The following ULK4 variants were observed in gnomAD, a reference collection of about 807,000 sequenced individuals.
ULK4 encodes inactive serine/threonine-protein kinase ULK4.
A neutral mutation model predicts 160.6 loss-of-function variants in ULK4; 133 were observed. The ratio of observed to expected loss-of-function variants is 0.83; its 90% CI spans 0.72 to 0.96. The LOEUF is 0.96. ULK4 is among the 40% of genes least tolerant of loss of function. ULK4 has a pLI of 0.00. For missense variants in ULK4, 1,580 were observed against 1,499.5 expected, an observed-to-expected ratio of 1.05 and a Z score of -0.89; for synonymous variants, 534 against 539.8, an observed-to-expected ratio of 0.99 and a Z score of 0.15.
intron 17 of ULK4, among the ~76,000 whole-genome samples, chr3:41,865,061 C>A (rs144039128): frequency 0.044 from 6,617 of 151,992 alleles, 450 homozygotes; most frequent in African/African-American, 0.15. Flanking sequence ...CACTTGAGGT[C>A]AGGAGTTCAA....
chr3:41,867,265 T>A (rs1403816241), intron 17 of ULK4, among the ~76,000 whole-genome samples: 1 of 152,282 alleles, frequency 6.6e-6, no homozygotes, highest in South Asian at 2.1e-4. Context: ...CAAAGAATAG[T>A]CCCTAAACCA....
intron 35 of ULK4, among the ~76,000 whole-genome samples, chr3:41,281,906 C>T (rs1216510763): frequency 6.6e-6 from 1 of 152,076 alleles, no homozygotes; most frequent in Non-Finnish European, 1.5e-5. Flanking sequence ...AAAACCCCAT[C>T]ATCTCAGCCC....
At chr3:41,855,522 T>C (rs1433326349) in intron 17 of ULK4, among the ~76,000 whole-genome samples, 1 of 152,214 alleles carries the variant, frequency 6.6e-6, no homozygotes, top group African/African-American at 2.4e-5. Context: ...CAAGTTACTA[T>C]TGCCCTGTAA....
At chr3:41,907,805 T>C in intron 12 of ULK4, 40 bp downstream of exon 12, 1 of 1,336,314 alleles carries the variant, frequency 7.5e-7, no homozygotes, top group Non-Finnish European at 1.0e-6. Context: ...TGTGAGCTTC[T>C]ACATCTTATG....
rs777911218 is a variant in ULK4, at chr3:41,320,709, G to T, written c.3679-71135C>A. The stretch of plus-strand genomic sequence containing the variant: ...AGGCAGGCGGATTACTTGAGGTCAG[G>T]AGTTCCAGATCAGCCTGGCCAACAC... On this transcript the variant is annotated intron_variant, in intron 35 of 36. Coordinates refer to ENST00000301831, the MANE Select transcript of ULK4 (RefSeq NM_017886.4). 1.3e-3 allele frequency among the ~76,000 whole-genome samples: 157 copies of T among 120,120 alleles called. 1 individual carries two copies. Among genetic ancestry groups the T allele is most frequent in the African/African-American group, 4.5e-3 (126 of 27,764 alleles). The allele number at this position is 120,120 out of a possible 152,430, so 78.8% of individuals were successfully genotyped here.
intron 27 of ULK4, among the ~76,000 whole-genome samples, chr3:41,694,989 T>C (rs926510314): frequency 2.6e-5 from 4 of 152,162 alleles, no homozygotes; most frequent in African/African-American, 4.8e-5. Flanking sequence ...TAGAAATGTG[T>C]TTCTCACAGT....
At chr3:41,545,653 T>G (rs760068515) in intron 32 of ULK4, among the ~76,000 whole-genome samples, 5 of 152,316 alleles carry the variant, frequency 3.3e-5, no homozygotes, top group South Asian at 2.1e-4. Flanking sequence ...TTTCTAAATA[T>G]GTAGATAAAT....
At chr3:41,929,592 T>C (rs1699514220) in intron 5 of ULK4, among the ~76,000 whole-genome samples, 1 of 152,160 alleles carries the variant, frequency 6.6e-6, no homozygotes, top group Non-Finnish European at 1.5e-5. Context: ...GAAAACCCCA[T>C]CGTCTCAGCC....
At chr3:41,681,367 C>CT (rs2035915912) in intron 29 of ULK4, 141 bp downstream of exon 29, 7 of 1,237,686 alleles carry the variant, frequency 5.7e-6, no homozygotes, top group Non-Finnish European at 7.8e-6. Context: ...CCTGTCTAAA[C>CT]TTTTTTTATA....
chr3:41,413,728 C>T (rs1271033453), intron 34 of ULK4, among the ~76,000 whole-genome samples: 1 of 152,062 alleles, frequency 6.6e-6, no homozygotes, highest in Non-Finnish European at 1.5e-5. Flanking sequence ...CCAGAACTCC[C>T]CAAATCAAAA....
intron 29 of ULK4, among the ~76,000 whole-genome samples, chr3:41,671,970 G>A (rs766398065): frequency 1.1e-4 from 17 of 152,012 alleles, no homozygotes; most frequent in Non-Finnish European, 1.9e-4. Context: ...ACGGGTACAT[G>A]AAAAAATGCT....
rs116590444 is a variant in ULK4, at chr3:41,734,390, T to C, written c.2322-16529A>G. 2.5e-3 allele frequency among the ~76,000 whole-genome samples: 387 copies of C among 152,310 alleles called. 2 individuals carry two copies. The highest frequency in any genetic ancestry group is 8.3e-3 in the African/African-American group (344 of 41,570). On this transcript the variant is annotated intron_variant, in intron 22 of 36. Coordinates refer to ENST00000301831, the MANE Select transcript of ULK4 (RefSeq NM_017886.4). ...TGTTTCTGACTCCCAGTCTGGGAGA[T>C]GGGAGAGTTAGAAAGCATATTTGAT...
chr3:41,798,856 T>G (rs2125602578), intron 20 of ULK4, among the ~76,000 whole-genome samples: 1 of 152,106 alleles, frequency 6.6e-6, no homozygotes. Flanking sequence ...CCATTTGAAT[T>G]AGGTTCCCAA....
chr3:41,899,165 A>G (rs1310028990), intron 13 of ULK4: 1 of 148,784 alleles, frequency 6.7e-6, no homozygotes. Context: ...GAAAGTGCAC[A>G]ATTATTAATC....
chr3:41,806,517 C>A (rs1445718867), intron 19 of ULK4, among the ~76,000 whole-genome samples: 2 of 151,932 alleles, frequency 1.3e-5, no homozygotes, highest in South Asian at 4.1e-4. Flanking sequence ...TATTTCTTGC[C>A]TTCTGCTAGC....
intron 35 of ULK4, among the ~76,000 whole-genome samples, chr3:41,382,460 T>C (rs1446184592): frequency 6.6e-6 from 1 of 152,214 alleles, no homozygotes; most frequent in Non-Finnish European, 1.5e-5. Context: ...GTTTCATATT[T>C]TGAGATTAAA....
intron 2 of ULK4, among the ~76,000 whole-genome samples, chr3:41,938,566 G>A (rs528511016): frequency 9.2e-4 from 140 of 152,078 alleles, no homozygotes; most frequent in African/African-American, 3.3e-3. Context: ...CCTGAAATTC[G>A]AGCTACTCAG....
intron 30 of ULK4, among the ~76,000 whole-genome samples, chr3:41,652,526 A>G (rs972938305): frequency 7.9e-5 from 12 of 152,348 alleles, no homozygotes; most frequent in African/African-American, 1.7e-4. Flanking sequence ...TGTTTAAGTC[A>G]TAAGCCAGAA....
At chr3:41,637,355 G>A (rs548224705) in intron 30 of ULK4, among the ~76,000 whole-genome samples, 1 of 152,220 alleles carries the variant, frequency 6.6e-6, no homozygotes, top group African/African-American at 2.4e-5. Context: ...CATCCATATT[G>A]CCACCAATGA....
Sources: gnomAD v4.1 joint callset for allele counts (sites outside exome capture counted in the v4.1 genomes callset) on GRCh38, gnomAD v4.1.1 for gene constraint, MANE v1.5 for transcripts, NCBI Gene and HGNC (gene_info 2026-07-23, HGNC 2026-07-21) for gene names.